FER: variants seen among roughly 807,000 people sequenced by gnomAD.
The protein encoded by FER is FER tyrosine kinase.
FER carries 63 observed loss-of-function variants against 111.0 expected under a neutral mutation model. The observed-to-expected ratio is 0.57, with a 90% CI of 0.46 to 0.70. The LOEUF is 0.70. Ranked by LOEUF, FER falls within the 30% of genes least tolerant of loss-of-function variation. The pLI, the probability that FER is intolerant of heterozygous loss-of-function variation, is 0.00. For synonymous variants in FER, 327 were observed against 313.9 expected (o/e 1.04, Z -0.44); for missense variants, 914 against 954.0 (o/e 0.96, Z 0.55).
intron 13 of FER, among the ~76,000 whole-genome samples, chr5:108,977,284 A>G (rs188873044): frequency 1.9e-4 from 29 of 152,328 alleles, no homozygotes; most frequent in African/African-American, 6.5e-4. Flanking sequence ...ATAAATTTTA[A>G]CTTTTTATAA....
chr5:108,868,807 T>G (rs1764327668), intron 6 of FER, among the ~76,000 whole-genome samples: 1 of 152,144 alleles, frequency 6.6e-6, no homozygotes, highest in South Asian at 2.1e-4. Context: ...TGCATTGTAC[T>G]TAATTTATCT....
chr5:109,116,921 A>C (rs1185262739), intron 17 of FER, among the ~76,000 whole-genome samples: 1 of 152,172 alleles, frequency 6.6e-6, no homozygotes, highest in African/African-American at 2.4e-5. Context: ...AAAAAGGCCA[A>C]AGAACAGAAT....
intron 10 of FER, among the ~76,000 whole-genome samples, chr5:108,932,903 G>GT (rs1754901133): frequency 7.1e-6 from 1 of 140,522 alleles, no homozygotes; most frequent in African/African-American, 2.6e-5. Context: ...TTGTAAATTT[G>GT]TTTAAGTTCC....
chr5:109,052,024 A>G (rs1036716190), intron 16 of FER: 13 of 1,594,286 alleles, frequency 8.2e-6, no homozygotes, highest in Admixed American at 3.3e-5. Flanking sequence ...TTGCATTTTC[A>G]CCTTACCATG....
At chr5:109,008,504 TCG>T (rs1554114949) in intron 13 of FER, among the ~76,000 whole-genome samples, 3 of 152,224 alleles carry the variant, frequency 2.0e-5, no homozygotes, top group Non-Finnish European at 4.4e-5. Flanking sequence ...CTCTGTGTTA[TCG>T]CAGCTCCTCT....
At chr5:108,909,407 G>T (rs529317052) in intron 10 of FER, among the ~76,000 whole-genome samples, 1 of 152,250 alleles carries the variant, frequency 6.6e-6, no homozygotes, top group East Asian at 1.9e-4. Context: ...CTAAGGAAAG[G>T]TTTTCTCTAT....
intron 9 of FER, among the ~76,000 whole-genome samples, chr5:108,890,813 T>C (rs1187485085): frequency 1.3e-5 from 2 of 152,058 alleles, no homozygotes; most frequent in African/African-American, 4.8e-5. Flanking sequence ...GGATGTTTGG[T>C]TTGTTTCTAG....
At chr5:108,777,117 G>T (rs1316177188) in intron 2 of FER, among the ~76,000 whole-genome samples, 3 of 152,196 alleles carry the variant, frequency 2.0e-5, no homozygotes, top group Non-Finnish European at 4.4e-5. Context: ...TTGGAGACCA[G>T]CCTGGGATTA....
At chr5:108,840,333 A>T (rs1053806228) in intron 5 of FER, among the ~76,000 whole-genome samples, 1 of 152,208 alleles carries the variant, frequency 6.6e-6, no homozygotes, top group African/African-American at 2.4e-5. Flanking sequence ...TATTTTCACC[A>T]TTGAAAATAA....
intron 17 of FER, among the ~76,000 whole-genome samples, chr5:109,112,295 AAGAT>A (rs1480975275): frequency 6.6e-6 from 1 of 152,194 alleles, no homozygotes; most frequent in East Asian, 1.9e-4. Context: ...AAAGAAAACA[AAGAT>A]AGCTGAAGGA....
At chr5:108,936,898 C>T (rs1424597252) in intron 10 of FER, among the ~76,000 whole-genome samples, 1 of 151,730 alleles carries the variant, frequency 6.6e-6, no homozygotes, top group Non-Finnish European at 1.5e-5. Context: ...GATAGTATTC[C>T]TCTGTTGTTT....
chr5:108,891,985 G>C (rs1156866590), intron 9 of FER, among the ~76,000 whole-genome samples: 2 of 152,102 alleles, frequency 1.3e-5, no homozygotes, highest in East Asian at 3.9e-4. Flanking sequence ...TCCCTACAAA[G>C]GACATGAACT....
intron 1 of FER, among the ~76,000 whole-genome samples, chr5:108,759,349 T>C (rs1297958590): frequency 6.6e-6 from 1 of 152,238 alleles, no homozygotes; most frequent in East Asian, 1.9e-4. Flanking sequence ...TAGCCTTTAC[T>C]GTTCATATGT....
chr5:108,817,708 T>A (rs1758426955), intron 3 of FER, among the ~76,000 whole-genome samples: 1 of 152,346 alleles, frequency 6.6e-6, no homozygotes, highest in Middle Eastern at 3.4e-3. Context: ...TAATACCTGT[T>A]TATGGAATAC....
At chr5:108,826,508 C>T (rs1431276502) in intron 3 of FER, among the ~76,000 whole-genome samples, 1 of 152,206 alleles carries the variant, frequency 6.6e-6, no homozygotes, top group Admixed American at 6.5e-5. Context: ...TCGCCTCAAC[C>T]TCCCAAAGTG....
chr5:109,006,802 G>A (rs189334596), intron 13 of FER, among the ~76,000 whole-genome samples: 334 of 152,078 alleles, frequency 2.2e-3, no homozygotes, highest in African/African-American at 7.5e-3. Flanking sequence ...TTAGCCTAAA[G>A]TGAATGTGAT....
chr5:108,766,972 G>A (rs1306104423), intron 1 of FER, among the ~76,000 whole-genome samples: 3 of 152,204 alleles, frequency 2.0e-5, no homozygotes, highest in Admixed American at 2.0e-4. Context: ...AGGGAGAACA[G>A]CCAATTCAAG....
intron 2 of FER, among the ~76,000 whole-genome samples, chr5:108,787,065 CTGGGTGCAGCTGCAG>C (rs1167356937): frequency 1.3e-5 from 2 of 151,978 alleles, no homozygotes; most frequent in East Asian, 3.9e-4. Context: ...CTTTGTGCTC[CTGGGTGCAGCTGCAG>C]CTGCCCAGCT....
At chr5:108,907,138 C>T (rs1214815174) in intron 10 of FER, among the ~76,000 whole-genome samples, 1 of 152,158 alleles carries the variant, frequency 6.6e-6, no homozygotes, top group Non-Finnish European at 1.5e-5. Context: ...TATACAGCTC[C>T]AGATACAATT....
Sources: allele counts gnomAD v4.1 joint callset (sites outside exome capture counted in the v4.1 genomes callset), GRCh38; gene constraint gnomAD v4.1.1; transcripts MANE v1.5; gene names NCBI Gene and HGNC (gene_info 2026-07-23, HGNC 2026-07-21).